RERE: variants seen among roughly 807,000 people sequenced by gnomAD.
RERE encodes arginine-glutamic acid dipeptide repeats protein.
RERE carries 40 observed loss-of-function variants against 146.1 expected under a neutral mutation model. The ratio of observed to expected loss-of-function variants is 0.27; its 90% CI spans 0.21 to 0.36. RERE has a LOEUF of 0.36. RERE is among the 10% of genes least tolerant of loss of function. The pLI, the probability that RERE is intolerant of heterozygous loss-of-function variation, is 1.00. For synonymous variants in RERE, 1,003 were observed against 866.0 expected (o/e 1.16, Z -2.78); for missense variants, 1,933 against 2,138.7 (o/e 0.90, Z 1.90).
At chr1:8,650,738 A>C (rs1169537289) in intron 2 of RERE, among the ~76,000 whole-genome samples, 2 of 152,084 alleles carry the variant, frequency 1.3e-5, no homozygotes, top group South Asian at 4.1e-4. Context: ...CTCTACTAAA[A>C]ACACAAAAAT....
chr1:8,607,563 T>TTTTTTTTTTTTTTTTTTA, intron 4 of RERE, among the ~76,000 whole-genome samples: 1 of 94,236 alleles, frequency 1.1e-5, no homozygotes. Context: ...TTTTTTTTTT[T>TTTTTTTTTTTTTTTTTTA]GAGACGGAGT....
intron 4 of RERE, among the ~76,000 whole-genome samples, chr1:8,562,642 A>G (rs1019619039): frequency 6.6e-6 from 1 of 152,088 alleles, no homozygotes; most frequent in South Asian, 2.1e-4. Context: ...GCACCCAGCT[A>G]ATTTTTAAAA....
chr1:8,497,212 G>C (rs565819118), intron 9 of RERE, among the ~76,000 whole-genome samples, 193 bp downstream of exon 9: 1 of 152,220 alleles, frequency 6.6e-6, no homozygotes, highest in East Asian at 1.9e-4. Flanking sequence ...ACTTCATCAT[G>C]AAAAAAATTA....
At chr1:8,534,140 T>C (rs146598558) in intron 7 of RERE, among the ~76,000 whole-genome samples, 40 of 152,300 alleles carry the variant, frequency 2.6e-4, no homozygotes, top group African/African-American at 8.7e-4. Flanking sequence ...GTTACTCAAA[T>C]GCAAGTAAAT....
chr1:8,427,364 C>T (rs1041886814), intron 11 of RERE, among the ~76,000 whole-genome samples: 5 of 152,156 alleles, frequency 3.3e-5, no homozygotes, highest in African/African-American at 1.2e-4. Context: ...AAGCTTTGTC[C>T]TAGGGCTTTC....
At chr1:8,505,981 A>G (rs1463723757) in intron 8 of RERE, among the ~76,000 whole-genome samples, 5 of 152,254 alleles carry the variant, frequency 3.3e-5, no homozygotes, top group African/African-American at 1.2e-4. Context: ...GGTATACAAA[A>G]ATCCAATCAC....
chr1:8,739,204 C>G (rs1640260340), intron 1 of RERE, among the ~76,000 whole-genome samples: 1 of 152,182 alleles, frequency 6.6e-6, no homozygotes, highest in African/African-American at 2.4e-5. Context: ...TTATGTAACA[C>G]AACATATAAT....
Position 8,364,746 on chromosome 1 carries a change from T to A in RERE, c.1540A>T (p.Thr514Ser). Residue 514 changes from threonine to serine, a missense_variant and splice_region_variant, in exon 14 of 23, where the codon ACC becomes TCC. Coordinates refer to ENST00000400908, the MANE Select transcript of RERE (RefSeq NM_001042681.2). This position sits in a 1 kb window ranked among gnomAD's most constrained non-coding sequence, Gnocchi z 5.1. ...CCAGGAGCGTGACGAGGCCACTTACTGGTGGTGAAGCAGTGGCGGCAGGCG... is the reference window on the plus strand; with the variant it reads ...CCAGGAGCGTGACGAGGCCACTTACAGGTGGTGAAGCAGTGGCGGCAGGCG... ...GYACRHCFTT[T>S]SKDWHHGGRE... The A allele has an allele frequency of 6.2e-7, 1 of 1,612,864 alleles. No homozygotes were observed. Among genetic ancestry groups the A allele is most frequent in the Non-Finnish European group, 8.5e-7 (1 of 1,178,860 alleles).
intron 4 of RERE, among the ~76,000 whole-genome samples, chr1:8,558,227 T>C (rs185108086): frequency 6.6e-4 from 101 of 152,338 alleles, no homozygotes; most frequent in African/African-American, 2.3e-3. Flanking sequence ...CTGTAAATGT[T>C]TGTAGGACAC....
chr1:8,768,272 G>T (rs964798732), intron 1 of RERE, among the ~76,000 whole-genome samples: 1 of 152,142 alleles, frequency 6.6e-6, no homozygotes, highest in Non-Finnish European at 1.5e-5. Context: ...TACTTACACA[G>T]GAATACTCTG....
At chr1:8,380,800 C>A (rs775925716) in intron 12 of RERE, 1 of 456,650 alleles carries the variant, frequency 2.2e-6, no homozygotes. Context: ...CCCAGGAGCC[C>A]CTCTGCTGAT....
intron 4 of RERE, among the ~76,000 whole-genome samples, chr1:8,578,651 G>T (rs1028087156): frequency 9.2e-5 from 14 of 152,042 alleles, no homozygotes; most frequent in African/African-American, 3.1e-4. Flanking sequence ...TAGAGCAGTG[G>T]AAGGCATCAC....
At chr1:8,595,158 C>CA (rs1050957833) in intron 4 of RERE, among the ~76,000 whole-genome samples, 1,156 of 66,118 alleles carry the variant, frequency 0.017, 6 homozygotes, top group South Asian at 0.026. Flanking sequence ...AGACCGTGTC[C>CA]AAAAAAAAAA....
At chr1:8,419,773 A>C (rs1643869855) in intron 12 of RERE, among the ~76,000 whole-genome samples, 1 of 152,246 alleles carries the variant, frequency 6.6e-6, no homozygotes, top group South Asian at 2.1e-4. Flanking sequence ...AGAGGGGATG[A>C]ATAATCTGCC....
chr1:8,615,866 TTTTC>T (rs1367412877), intron 3 of RERE, among the ~76,000 whole-genome samples: 2 of 152,154 alleles, frequency 1.3e-5, no homozygotes, highest in African/African-American at 4.8e-5. Context: ...GATCATTTTC[TTTTC>T]TTTTTCTAAA....
intron 1 of RERE, chr1:8,703,018 G>C (rs1018086374): frequency 6.6e-6 from 1 of 151,802 alleles, no homozygotes; most frequent in Non-Finnish European, 1.5e-5. Context: ...CCCGAGATTC[G>C]CGTCCCCCTC....
chr1:8,587,588 T>C (rs984292929), intron 4 of RERE, among the ~76,000 whole-genome samples: 1 of 152,176 alleles, frequency 6.6e-6, no homozygotes, highest in Non-Finnish European at 1.5e-5. Context: ...ATTTGCTCTA[T>C]CTCTAATCTT....
intron 7 of RERE, among the ~76,000 whole-genome samples, chr1:8,528,102 G>GCA (rs1438873349): frequency 1.3e-5 from 2 of 152,188 alleles, no homozygotes; most frequent in Admixed American, 6.5e-5. Flanking sequence ...AGTGGAAAGG[G>GCA]CACAGTATCA....
intron 1 of RERE, among the ~76,000 whole-genome samples, chr1:8,724,472 G>A (rs1252850958): frequency 6.6e-6 from 1 of 152,174 alleles, no homozygotes; most frequent in Non-Finnish European, 1.5e-5. Context: ...TTTCAAGTCT[G>A]AGAATTAAGC....
Sources: allele counts gnomAD v4.1 joint callset (sites outside exome capture counted in the v4.1 genomes callset), GRCh38; gene constraint gnomAD v4.1.1; non-coding constraint Gnocchi (gnomAD v3.1); transcripts MANE v1.5; gene names NCBI Gene and HGNC (gene_info 2026-07-23, HGNC 2026-07-21).